The following AHNAK2 variants were observed in gnomAD, a reference collection of about 807,000 sequenced individuals.
The protein encoded by AHNAK2 is protein AHNAK2.
Under a neutral mutation model 30.7 loss-of-function variants are expected in AHNAK2, and 18 were observed. The observed-to-expected ratio is 0.59, with a 90% CI of 0.41 to 0.87. The LOEUF is 0.87. AHNAK2 is among the 40% of genes least tolerant of loss of function. The pLI, the probability that AHNAK2 is intolerant of heterozygous loss-of-function variation, is 0.00. For synonymous variants in AHNAK2, 3,590 were observed against 3,073.8 expected (o/e 1.17, Z -5.56); for missense variants, 8,604 against 7,373.0 (o/e 1.17, Z -6.11).
In AHNAK2 at chr14:104,939,102, T is replaced by A; in HGVS notation, c.16349A>T (p.Asp5450Val). Reference protein sequence around the residue: ...GAGVPGEQPVDLNLPLEAPPI... With the variant: ...GAGVPGEQPVVLNLPLEAPPI... Reference sequence around the variant, plus strand: ...GGGAGCTTCCAAAGGCAGGTTAAGGTCCACAGGCTGCTCCCCAGGGACCCC... The same window carrying A: ...GGGAGCTTCCAAAGGCAGGTTAAGGACCACAGGCTGCTCCCCAGGGACCCC... The change falls in exon 7 of 7, where the codon GAC becomes GTC. Residue 5450 changes from aspartate (D) to valine (V), a missense_variant. Transcript: ENST00000333244. 6.2e-7 allele frequency: 1 copy of A among 1,605,088 alleles called. No homozygotes were observed.
At position 104,939,580 on chromosome 14, in the gene AHNAK2, C is replaced by T. The variant is rs563659098; in HGVS notation, c.15871G>A (p.Glu5291Lys). The T allele has an allele frequency of 3.2e-5, 52 of 1,613,828 alleles. 1 individual carries two copies. In the South Asian group the frequency reaches 5.4e-4, roughly 17 times the overall value. ...ATCCTGACCTCAGAAGTGGAAAGCT[C>T]ATCCCCAGTCATCCCAGCAGTGGAG... ...HLSTAGMTGDELSTSEVRIHP... is the reference protein window; with the variant it reads ...HLSTAGMTGDKLSTSEVRIHP... The change falls in exon 7 of 7, where the codon GAG (glutamate) becomes AAG (lysine). Residue 5291 changes from glutamate (E) to lysine (K), a missense_variant. Physicochemically the swap from Glu to Lys is moderately conservative, Grantham distance 56. Coordinates refer to ENST00000333244, the MANE Select transcript of AHNAK2 (RefSeq NM_138420.4).
In AHNAK2 at chr14:104,946,937, C is replaced by T; in HGVS notation, c.8514G>A (p.Val2838=). Reference sequence around the variant, plus strand: ...CGTCAGCTTCCACCTTCAGCTCAGACACATCCACCGAGGCCTCGATGGACT... The same window carrying T: ...CGTCAGCTTCCACCTTCAGCTCAGATACATCCACCGAGGCCTCGATGGACT... The part of the protein sequence containing the change: ...PGKSIEASVD[V]SELKVEADGS... Residue 2838 remains valine, a synonymous_variant, in exon 7 of 7, where the codon GTG becomes GTA. Transcript: ENST00000333244. The T allele has an allele frequency of 1.2e-6, 2 of 1,612,926 alleles. No homozygotes were observed. Among genetic ancestry groups the T allele is most frequent in the South Asian group, 2.2e-5 (2 of 91,034 alleles).
chr14:104,944,304 C>T lies in AHNAK2; in HGVS notation c.11147G>A (p.Gly3716Asp). The change falls in exon 7 of 7, where the codon GGC becomes GAC. Residue 3716 changes from glycine to aspartate, a missense_variant. By Grantham distance (94) the Gly-to-Asp change is moderately conservative (BLOSUM62 -1). Transcript: ENST00000333244. ...CACCTTGGGCAGGTGCTCTTTGAGG[C>T]CGGCTCCCTCGGGCACCTGGCCCTC... ...LPEGQVPEGA[G>D]LKEHLPKVEM... 1 of 1,612,968 alleles carries T rather than the reference C, an allele frequency of 6.2e-7. No homozygotes were observed. Among genetic ancestry groups the T allele is most frequent in the Non-Finnish European group, 8.5e-7 (1 of 1,179,580 alleles).
At position 104,940,199 on chromosome 14, in the gene AHNAK2, A is replaced by G. The variant is rs1181976348; in HGVS notation, c.15252T>C (p.Gly5084=). 1 of 1,613,216 alleles carries G rather than the reference A, an allele frequency of 6.2e-7. No individual in the cohort carries two copies. Among genetic ancestry groups the G allele is most frequent in the African/African-American group, 1.3e-5 (1 of 74,832 alleles). Residue 5084 remains glycine (G), a synonymous_variant, in exon 7 of 7, where the codon GGT becomes GGC. Coordinates refer to ENST00000333244, the MANE Select transcript of AHNAK2 (RefSeq NM_138420.4). This position sits in a 1 kb window ranked among gnomAD's most constrained non-coding sequence, Gnocchi z 4.4. ...GATASATGSE[G]VNLHRPQVHI... is the part of the protein sequence containing the mutation. Reference sequence around the variant, plus strand: ...GGACCTGTGGCCGGTGGAGGTTCACACCCTCACTTCCTGTGGCACTTGCTG... The same window carrying G: ...GGACCTGTGGCCGGTGGAGGTTCACGCCCTCACTTCCTGTGGCACTTGCTG...
rs369971630 is a variant in AHNAK2, at chr14:104,943,468, C to G, written c.11983G>C (p.Ala3995Pro). 4 of 1,613,226 alleles carry G rather than the reference C, an allele frequency of 2.5e-6. No homozygotes were observed. Among genetic ancestry groups the G allele is most frequent in the South Asian group, 1.1e-5 (1 of 91,048 alleles). ...CTCACGTCGGCCTCCACCTTTGGCG[C>G]GGTCACATCCACTGATGCCTCCATG... ...KSMEASVDVT[A>P]PKVEADVSLP... Residue 3995 changes from alanine to proline, a missense_variant, in exon 7 of 7, where the codon GCG becomes CCG. Physicochemically the swap from Ala to Pro is conservative, Grantham distance 27. Coordinates refer to ENST00000333244, the MANE Select transcript of AHNAK2 (RefSeq NM_138420.4).
rs1050195480 is a variant in AHNAK2 at position 104,944,115 on chromosome 14, T to G, written c.11336A>C (p.Lys3779Thr). 2.2e-5 allele frequency: 36 copies of G among 1,613,296 alleles called. No individual in the cohort carries two copies. Among genetic ancestry groups the G allele is most frequent in the Non-Finnish European group, 3.1e-5 (36 of 1,179,672 alleles). ...CCCCTCCAGCTGTGCACTATCCAGT[T>G]TGGCTCTTGGGGCCTGGACGTCCAC... is the stretch of plus-strand genomic sequence containing the variant. ...VEVDVQAPRAKLDSAQLEGDL... is the reference protein window; with the variant it reads ...VEVDVQAPRATLDSAQLEGDL... Residue 3779 changes from lysine (K) to threonine (T), a missense_variant, in exon 7 of 7, where the codon AAA (lysine) becomes ACA (threonine). By Grantham distance (78) the Lys-to-Thr change is moderately conservative. Transcript: ENST00000333244.
In AHNAK2 at chr14:104,941,208, T is replaced by G; in HGVS notation, c.14243A>C (p.Gln4748Pro). The G allele has an allele frequency of 6.2e-7, 1 of 1,613,652 alleles. No individual in the cohort carries two copies. Among genetic ancestry groups the G allele is most frequent in the Non-Finnish European group, 8.5e-7 (1 of 1,179,902 alleles). ...GGATGGCTCTGAACAAGCCGAAACCTGTTGTAATTCAAAACTTGAGCATTC... is the reference window on the plus strand; with the variant it reads ...GGATGGCTCTGAACAAGCCGAAACCGGTTGTAATTCAAAACTTGAGCATTC... ...SSECSSFELQ[Q>P]VSACSEPSMQ... The change falls in exon 7 of 7, where the codon CAG becomes CCG. Residue 4748 changes from glutamine (Q) to proline (P), a missense_variant. Gln to Pro is a moderately conservative substitution (Grantham distance 76). Transcript: ENST00000333244.
At position 104,945,267 on chromosome 14, in the gene AHNAK2, T is replaced by C; in HGVS notation, c.10184A>G (p.Glu3395Gly). 6 of 1,612,842 alleles carry C rather than the reference T, an allele frequency of 3.7e-6. No homozygotes were observed. Among genetic ancestry groups the C allele is most frequent in the Non-Finnish European group, 5.1e-6 (6 of 1,179,536 alleles). Reference sequence around the variant, plus strand: ...TTTGGGCATCTTGAAACTGGGCATCTCCACCTTGGGCAGGTGCCCTTTGAG... The same window carrying C: ...TTTGGGCATCTTGAAACTGGGCATCCCCACCTTGGGCAGGTGCCCTTTGAG... ...AGLKGHLPKV[E>G]MPSFKMPKVD... The change falls in exon 7 of 7, where the codon GAG becomes GGG. Residue 3395 changes from glutamate to glycine, a missense_variant. Glu to Gly is a moderately conservative substitution (Grantham distance 98, BLOSUM62 -2). Coordinates refer to ENST00000333244, the MANE Select transcript of AHNAK2 (RefSeq NM_138420.4).
rs201867414 is a variant in AHNAK2 at position 104,945,125 on chromosome 14, G to T, written c.10326C>A (p.Asp3442Glu). 6.2e-6 allele frequency: 10 copies of T among 1,610,140 alleles called. No homozygotes were observed. Among genetic ancestry groups the T allele is most frequent in the Non-Finnish European group, 8.5e-6 (10 of 1,178,352 alleles). The change falls in exon 7 of 7, where the codon GAC becomes GAA. Residue 3442 changes from aspartate (D) to glutamate (E), a missense_variant. By Grantham distance (45) the Asp-to-Glu change is conservative. Transcript: ENST00000333244. ...CCAGCTTGGCTCTCGGGGCCTGGAC[G>T]TCCACCTCCACGCTGGGCAGAGACA... ...VEVSLPSVEV[D>E]VQAPRAKLDG...
Position 104,938,828 on chromosome 14 carries a change from G to C in AHNAK2, c.16623C>G (p.His5541Gln). 1 of 1,613,962 alleles carries C rather than the reference G, an allele frequency of 6.2e-7. No homozygotes were observed. Among genetic ancestry groups the C allele is most frequent in the East Asian group, 2.2e-5 (1 of 44,882 alleles). The change falls in exon 7 of 7, where the codon CAC (histidine) becomes CAG (glutamine). Residue 5541 changes from histidine (H) to glutamine (Q), a missense_variant. Coordinates refer to ENST00000333244, the MANE Select transcript of AHNAK2 (RefSeq NM_138420.4). The part of the protein sequence containing the change: ...QARVYTTMTQ[H>Q]SRTQEGTEEA... ...CTTCTGTGCCCTCCTGAGTCCTAGA[G>C]TGTTGAGTCATTGTTGTGTACACTC...
rs759751752 is a variant in AHNAK2, at chr14:104,950,123, C to A, written c.5328G>T (p.Glu1776Asp). 71 of 1,582,776 alleles carry A rather than the reference C, an allele frequency of 4.5e-5. 7 individuals are homozygous for A. The highest frequency in any genetic ancestry group is 1.7e-4 in the African/African-American group (12 of 71,074). The change falls in exon 7 of 7, where the codon GAG (glutamate) becomes GAT (aspartate). Residue 1776 changes from glutamate (E) to aspartate (D), a missense_variant. Physicochemically the swap from Glu to Asp is conservative, Grantham distance 45. Coordinates refer to ENST00000333244, the MANE Select transcript of AHNAK2 (RefSeq NM_138420.4). ...ACACCTCCACGTCGGGGGCCATCAC[C>A]TCCGCCTTGGGGCCTTTCAGGTCCA... is the stretch of plus-strand genomic sequence containing the variant. ...PKLDLKGPKAEVMAPDVEVSL... is the reference protein window; with the variant it reads ...PKLDLKGPKADVMAPDVEVSL...
intron 1 of AHNAK2, among the ~76,000 whole-genome samples, chr14:104,971,603 G>A (rs1432323355): frequency 1.3e-5 from 2 of 152,000 alleles, no homozygotes; most frequent in South Asian, 2.1e-4. Context: ...AATACAAGTG[G>A]TGGCTGAGAA....
chr14:104,955,752 C>T (rs901170516), intron 4 of AHNAK2, 119 bp from the exon 5 acceptor site: 1 of 1,356,622 alleles, frequency 7.4e-7, no homozygotes, highest in African/African-American at 1.5e-5. Context: ...TCAGCCCAGA[C>T]AACACAGAGC....
In AHNAK2 at chr14:104,939,656, G is replaced by A. The variant is rs1043895108; in HGVS notation, c.15795C>T (p.Ser5265=). 1 of 1,613,886 alleles carries A rather than the reference G, an allele frequency of 6.2e-7. No homozygotes were observed. The highest frequency in any genetic ancestry group is 1.7e-5 in the Admixed American group (1 of 60,022). ...AEVTASESKS[S]TDILRCDLDS... is the part of the protein sequence containing the mutation. ...CAAGATCACACCTTAGAATATCTGT[G>A]GATGATTTGCTCTCAGAAGCTGTCA... The change falls in exon 7 of 7, where the codon TCC becomes TCT. Residue 5265 remains serine, a synonymous_variant. Transcript: ENST00000333244.
chr14:104,944,350 G>T lies in AHNAK2; in HGVS notation c.11101C>A (p.Gln3701Lys). 1 of 1,612,604 alleles carries T rather than the reference G, an allele frequency of 6.2e-7. No homozygotes were observed. The highest frequency in any genetic ancestry group is 8.5e-7 in the Non-Finnish European group (1 of 1,179,488). ...PSADLKVQAG[Q>K]MDVKLPEGQV... ...CCCTCCGGGAGCTTCACATCCATCT[G>T]GCCAGCCTGGACCTTCAGGTCGGCA... is the stretch of plus-strand genomic sequence containing the variant. The change falls in exon 7 of 7, where the codon CAG (glutamine) becomes AAG (lysine). Residue 3701 changes from glutamine to lysine, a missense_variant. By Grantham distance (53) the Gln-to-Lys change is moderately conservative. Coordinates refer to ENST00000333244, the MANE Select transcript of AHNAK2 (RefSeq NM_138420.4).
rs201927397 is a variant in AHNAK2 at position 104,947,059 on chromosome 14, C to A, written c.8392G>T (p.Asp2798Tyr). The change falls in exon 7 of 7, where the codon GAC (aspartate) becomes TAC (tyrosine). Residue 2798 changes from aspartate (D) to tyrosine (Y), a missense_variant. Asp to Tyr is a radical substitution (Grantham distance 160). Coordinates refer to ENST00000333244, the MANE Select transcript of AHNAK2 (RefSeq NM_138420.4). Reference sequence around the variant, plus strand: ...ATGCCCTTGTCGGCCAGGGACAGGTCCCCCTCCAGCCGCGCACCATCCAGC... The same window carrying A: ...ATGCCCTTGTCGGCCAGGGACAGGTACCCCTCCAGCCGCGCACCATCCAGC... Reference protein sequence around the residue: ...AKLDGARLEGDLSLADKGMTA... With the variant: ...AKLDGARLEGYLSLADKGMTA... 2 of 1,612,436 alleles carry A rather than the reference C, an allele frequency of 1.2e-6. No homozygotes were observed. The highest frequency in any genetic ancestry group is 1.7e-6 in the Non-Finnish European group (2 of 1,179,592).
intron 1 of AHNAK2, among the ~76,000 whole-genome samples, chr14:104,973,465 T>C (rs1283394956): frequency 6.6e-6 from 1 of 152,186 alleles, no homozygotes; most frequent in Admixed American, 6.5e-5. Flanking sequence ...GACCGAAGGC[T>C]GTGGCCCTAA....
At chr14:104,970,481 A>T in intron 1 of AHNAK2, 1 of 985,040 alleles carries the variant, frequency 1.0e-6, no homozygotes, top group Non-Finnish European at 1.2e-6. Flanking sequence ...CGCTCTCCCA[A>T]CTGGCCCAGA....
chr14:104,938,133 A>G lies in AHNAK2; in HGVS notation c.17318T>C (p.Ile5773Thr), dbSNP rs1897864614. The stretch of plus-strand genomic sequence containing the variant: ...AGCTTTTCTGTCCTGCTCGGGCAGG[A>G]TTAACTCTGTTCTTGCCGCGGATGT... ...MVTSAARTEL[I>T]LPEQDRKADD... Residue 5773 changes from isoleucine to threonine, a missense_variant, in exon 7 of 7, where the codon ATC becomes ACC. By Grantham distance (89) the Ile-to-Thr change is moderately conservative. Coordinates refer to ENST00000333244, the MANE Select transcript of AHNAK2 (RefSeq NM_138420.4). 1 of 1,613,898 alleles carries G rather than the reference A, an allele frequency of 6.2e-7. No homozygotes were observed. The highest frequency in any genetic ancestry group is 8.5e-7 in the Non-Finnish European group (1 of 1,179,890).
Sources: gnomAD v4.1 joint callset for allele counts (sites outside exome capture counted in the v4.1 genomes callset) on GRCh38, gnomAD v4.1.1 for gene constraint, Gnocchi (gnomAD v3.1) non-coding constraint, MANE v1.5 for transcripts, NCBI Gene and HGNC (gene_info 2026-07-23, HGNC 2026-07-21) for gene names.